The following KALRN variants were observed in gnomAD, a reference collection of about 807,000 sequenced individuals.
The protein encoded by KALRN is kalirin.
KALRN carries 70 observed loss-of-function variants against 353.7 expected under a neutral mutation model. The observed-to-expected ratio is 0.20, with a 90% CI of 0.16 to 0.24. The LOEUF (loss-of-function observed/expected upper bound fraction) is 0.24, where lower values mean the gene tolerates loss of function less well. KALRN is among the 10% of genes least tolerant of loss of function. The probability of loss-of-function intolerance (pLI) is 1.00; values close to 1 mark genes in which losing one functional copy is unlikely to be tolerated. For missense variants in KALRN, 2,791 were observed against 3,756.7 expected, an observed-to-expected ratio of 0.74 and a Z score of 6.72; for synonymous variants, 1,391 against 1,434.8, an observed-to-expected ratio of 0.97 and a Z score of 0.69.
intron 22 of KALRN, 23 bp downstream of exon 22, chr3:124,455,382 G>A (rs1380828125): frequency 1.9e-6 from 3 of 1,604,872 alleles, no homozygotes; most frequent in Admixed American, 3.4e-5. Flanking sequence ...ATTGTCCTCT[G>A]GGACATCCTC....
intron 1 of KALRN, among the ~76,000 whole-genome samples, chr3:124,108,073 A>G (rs1402295938): frequency 6.6e-6 from 1 of 152,220 alleles, no homozygotes; most frequent in Non-Finnish European, 1.5e-5. Context: ...ATATATGTGT[A>G]TACTGTCTGT....
intron 4 of KALRN, among the ~76,000 whole-genome samples, 198 bp downstream of exon 4, chr3:124,264,888 A>C (rs190708852): frequency 4.2e-4 from 64 of 152,294 alleles, no homozygotes; most frequent in South Asian, 3.1e-3. Context: ...TCCCAAATGC[A>C]CACCTTCATT....
rs184728657 is a variant in KALRN at position 124,202,206 on chromosome 3, C to T, written c.74-25784C>T. On this transcript the variant is annotated intron_variant, in intron 1 of 59. Coordinates refer to ENST00000682506, the MANE Select transcript of KALRN (RefSeq NM_001388419.1). The stretch of plus-strand genomic sequence containing the variant: ...CATCAGCATGAAGATCTGGAAAGTT[C>T]CCTCTTTGTGTAGAGAAGTGGCAGC... 1.1e-3 allele frequency among the ~76,000 whole-genome samples: 175 copies of T among 152,206 alleles called. 1 individual carries two copies. Among genetic ancestry groups the T allele is most frequent in the African/African-American group, 4.0e-3 (165 of 41,544 alleles).
intron 35 of KALRN, 28 bp downstream of exon 35, chr3:124,632,731 C>A: frequency 1.3e-6 from 2 of 1,599,712 alleles, no homozygotes; most frequent in South Asian, 2.2e-5. Context: ...TGGAGTTGTC[C>A]ATCAGGAGGG....
chr3:124,340,502 G>T (rs985814221), intron 9 of KALRN, among the ~76,000 whole-genome samples: 2 of 151,812 alleles, frequency 1.3e-5, no homozygotes, highest in African/African-American at 4.8e-5. Flanking sequence ...CAGCCTGGGT[G>T]ACAGAGTGAG....
chr3:124,430,609 G>C (rs773470029), intron 15 of KALRN, 47 bp from the exon 16 acceptor site: 1 of 1,606,170 alleles, frequency 6.2e-7, no homozygotes, highest in East Asian at 2.2e-5. Flanking sequence ...CAGCTCTGGG[G>C]AAACTGCGGA....
At chr3:124,628,753 TTTTTTTTTTTTTTTTTTG>T (rs76705088) in intron 34 of KALRN, among the ~76,000 whole-genome samples, 150 of 70,120 alleles carry the variant, frequency 2.1e-3, no homozygotes, top group Non-Finnish European at 3.0e-3. Context: ...TTTTTTTTTT[TTTTTTTTTTTTTTTTTTG>T]TAGAGACGGA....
intron 9 of KALRN, among the ~76,000 whole-genome samples, chr3:124,342,245 A>G (rs921516840): frequency 5.3e-5 from 8 of 152,080 alleles, no homozygotes; most frequent in Admixed American, 5.2e-4. Context: ...GTAAAGTCAG[A>G]GCTTTTAGGA....
rs2062767993 is a variant in KALRN at position 124,488,198 on chromosome 3, C to T, written c.4285-6C>T. The T allele has an allele frequency of 6.3e-7, 1 of 1,597,272 alleles. No homozygotes were observed. Among genetic ancestry groups the T allele is most frequent in the South Asian group, 1.1e-5 (1 of 89,548 alleles). ...CCTAATTATGTCCGGACTTTTTTTTCCCCAGGAACTTTTAACTTGCTGTGA... is the reference window on the plus strand; with the variant it reads ...CCTAATTATGTCCGGACTTTTTTTTTCCCAGGAACTTTTAACTTGCTGTGA... On this transcript the variant is annotated splice_polypyrimidine_tract_variant and splice_region_variant and intron_variant, in intron 28 of 59. Transcript: ENST00000682506.
At chr3:124,632,826 T>C in intron 35 of KALRN, 123 bp downstream of exon 35, 1 of 944,002 alleles carries the variant, frequency 1.1e-6, no homozygotes, top group Non-Finnish European at 1.6e-6. Flanking sequence ...CCTAAGTGAT[T>C]TGGATTCTTT....
rs376345673 is a variant in KALRN, at chr3:124,712,796, A to T, written c.8076-139A>T. 97 of 569,088 alleles carry T rather than the reference A, an allele frequency of 1.7e-4. No homozygotes were observed. In the African/African-American group the frequency reaches 1.8e-3, roughly 10 times the overall value. The allele number at this position is 569,088 out of a possible 1,614,324, so 35.3% of individuals were successfully genotyped here. A position where few individuals can be genotyped will look rare whatever the true frequency, so the allele number is the denominator to read the frequency against. On this transcript the variant is annotated intron_variant, in intron 57 of 59. Coordinates refer to ENST00000682506, the MANE Select transcript of KALRN (RefSeq NM_001388419.1). ...AGGAAAAATGGATTCTCTGAATAAC[A>T]TTATAATTAAAAATATAGGAGAGTA...
intron 10 of KALRN, among the ~76,000 whole-genome samples, chr3:124,374,044 T>A (rs998967816): frequency 2.8e-4 from 42 of 152,292 alleles, no homozygotes; most frequent in African/African-American, 9.9e-4. Flanking sequence ...TCCAAATGTA[T>A]ATATTGAAAC....
chr3:124,188,078 T>C (rs1443621652), intron 1 of KALRN, among the ~76,000 whole-genome samples: 1 of 152,150 alleles, frequency 6.6e-6, no homozygotes, highest in Non-Finnish European at 1.5e-5. Flanking sequence ...AGAACAATTA[T>C]TGAGACTCTT....
At chr3:124,510,260 C>T (rs2065750977) in intron 33 of KALRN, among the ~76,000 whole-genome samples, 1 of 152,102 alleles carries the variant, frequency 6.6e-6, no homozygotes, top group Non-Finnish European at 1.5e-5. Context: ...TAGAATTTAT[C>T]CAGGCAAGAT....
At chr3:124,067,034 CA>C (rs1289225193) in intron 1 of KALRN, among the ~76,000 whole-genome samples, 3 of 152,174 alleles carry the variant, frequency 2.0e-5, no homozygotes, top group African/African-American at 7.2e-5. Flanking sequence ...TTCAAATCCC[CA>C]AATGGTAGAT....
At chr3:124,076,576 C>T (rs966648198) in intron 1 of KALRN, among the ~76,000 whole-genome samples, 16 of 152,224 alleles carry the variant, frequency 1.1e-4, no homozygotes, top group Non-Finnish European at 2.2e-4. Context: ...ACTCCCAACT[C>T]CTCTGTGCTT....
intron 1 of KALRN, among the ~76,000 whole-genome samples, chr3:124,143,693 T>G (rs2066920869): frequency 1.3e-5 from 2 of 152,290 alleles, no homozygotes; most frequent in South Asian, 2.1e-4. Context: ...ATGCTAGTGA[T>G]GGAATGCCAT....
intron 1 of KALRN, among the ~76,000 whole-genome samples, chr3:124,085,552 C>T (rs746509474): frequency 2.0e-5 from 3 of 152,106 alleles, no homozygotes; most frequent in African/African-American, 4.8e-5. Context: ...GTGGATAAGT[C>T]GGGTGAATTT....
At chr3:124,403,072 T>C (rs2091071272) in intron 13 of KALRN, among the ~76,000 whole-genome samples, 1 of 152,222 alleles carries the variant, frequency 6.6e-6, no homozygotes, top group East Asian at 1.9e-4. Context: ...TGAAATGTGC[T>C]GAAAGCAATG....
Sources: gnomAD v4.1 joint callset for allele counts (sites outside exome capture counted in the v4.1 genomes callset) on GRCh38, gnomAD v4.1.1 for gene constraint, MANE v1.5 for transcripts, NCBI Gene and HGNC (gene_info 2026-07-23, HGNC 2026-07-21) for gene names.